DGKD: variants seen among roughly 807,000 people sequenced by gnomAD.
DGKD encodes DAG kinase delta.
DGKD carries 68 observed loss-of-function variants against 154.4 expected under a neutral mutation model. The observed-to-expected ratio is 0.44, with a 90% CI of 0.36 to 0.54. The LOEUF (loss-of-function observed/expected upper bound fraction) is 0.54. DGKD is among the 20% of genes least tolerant of loss of function. The pLI is 0.00. For synonymous variants in DGKD, 693 were observed against 638.0 expected (o/e 1.09, Z -1.30); for missense variants, 1,343 against 1,593.6 (o/e 0.84, Z 2.68).
chr2:233,428,118 G>A (rs1009908152), intron 3 of DGKD, among the ~76,000 whole-genome samples: 1 of 152,190 alleles, frequency 6.6e-6, no homozygotes, highest in African/African-American at 2.4e-5. Context: ...GGGAACAGGA[G>A]TAGGAGGGGA....
chr2:233,427,337 C>CAT (rs1491379221), intron 3 of DGKD, among the ~76,000 whole-genome samples: 4 of 83,766 alleles, frequency 4.8e-5, no homozygotes, highest in Admixed American at 1.4e-4. Flanking sequence ...TATTGCCCTG[C>CAT]TTTTTTTTTT....
chr2:233,376,249 A>G (rs1344347381), intron 1 of DGKD, among the ~76,000 whole-genome samples: 1 of 152,244 alleles, frequency 6.6e-6, no homozygotes, highest in African/African-American at 2.4e-5. Flanking sequence ...GAACTTGTAC[A>G]GACAAAAATA....
chr2:233,462,502 C>G (rs919697829), intron 25 of DGKD, 43 bp downstream of exon 25: 1 of 1,566,334 alleles, frequency 6.4e-7, no homozygotes, highest in Non-Finnish European at 8.7e-7. Context: ...TTCTCAGTGT[C>G]TGCCGCCCTC....
intron 3 of DGKD, among the ~76,000 whole-genome samples, chr2:233,421,980 A>G (rs1045328717): frequency 6.6e-6 from 1 of 151,428 alleles, no homozygotes; most frequent in Non-Finnish European, 1.5e-5. Context: ...CTGACTTGGG[A>G]GGTTGGGGGG....
At chr2:233,424,600 G>A (rs539072330) in intron 3 of DGKD, among the ~76,000 whole-genome samples, 2 of 152,294 alleles carry the variant, frequency 1.3e-5, no homozygotes, top group Non-Finnish European at 2.9e-5. Context: ...CCCTGCCTCC[G>A]GCCCACTGGC....
intron 1 of DGKD, among the ~76,000 whole-genome samples, chr2:233,384,058 G>A (rs1703037935): frequency 6.6e-6 from 1 of 152,126 alleles, no homozygotes; most frequent in African/African-American, 2.4e-5. Context: ...ATAACAGTAT[G>A]TACAGTATGG....
rs1480812455 is a variant in DGKD, at chr2:233,458,391, C to T, written c.2688C>T (p.Ile896=). The change falls in exon 22 of 30, where the codon ATC becomes ATT. Residue 896 remains isoleucine, a synonymous_variant. Coordinates refer to ENST00000264057, the MANE Select transcript of DGKD (RefSeq NM_152879.3). The surrounding 1 kb of genome is among the most constrained non-coding windows in gnomAD (Gnocchi z 6.6). ...TCATCAGGCTACAGCATCATCGGAT[C>T]GCCCAGGTAGTGGCCATGGTCCTGG... The part of the protein sequence containing the change: ...SRVIRLQHHR[I]AQCRTVKISI... The T allele has an allele frequency of 1.3e-5, 21 of 1,607,844 alleles. No individual in the cohort carries two copies. The highest frequency in any genetic ancestry group is 2.2e-5 in the East Asian group (1 of 44,842).
Position 233,458,137 on chromosome 2 carries a change from C to A in DGKD, c.2581-147C>A. 1 of 538,538 alleles carries A rather than the reference C, an allele frequency of 1.9e-6. No individual in the cohort carries two copies. Among genetic ancestry groups the A allele is most frequent in the Non-Finnish European group, 3.4e-6 (1 of 297,020 alleles). The allele number at this position is 538,538 out of a possible 1,614,324, so 33.4% of individuals were successfully genotyped here. A position where few individuals can be genotyped will look rare whatever the true frequency, so the allele number is the denominator to read the frequency against. ...CCCAGGCAGCTGGTTTCAGGGCCTG[C>A]AACATGAAGCCCGTCAGGAGTGCAG... On this transcript the variant is annotated intron_variant, in intron 21 of 29. Transcript: ENST00000264057. The surrounding 1 kb of genome is among the most constrained non-coding windows in gnomAD (Gnocchi z 6.6).
Position 233,468,643 on chromosome 2 carries a change from C to T in DGKD, c.3555+90C>T, listed in dbSNP as rs73997603. ...TCCTCTCCCCCGACCTGGCCATGTC[C>T]CAGCATCACGATTCTTCTCAGGCTT... On this transcript the variant is annotated intron_variant, in intron 29 of 29. Coordinates refer to ENST00000264057, the MANE Select transcript of DGKD (RefSeq NM_152879.3). The T allele has an allele frequency of 0.016, 24,382 of 1,564,516 alleles. 1,304 individuals are homozygous for T. In the African/African-American group the frequency reaches 0.18, roughly 11 times the overall value.
intron 24 of DGKD, 94 bp downstream of exon 24, chr2:233,460,439 C>T: frequency 2.8e-5 from 42 of 1,493,888 alleles, no homozygotes; most frequent in Non-Finnish European, 3.7e-5. Flanking sequence ...AGCTGCTGCT[C>T]CTGACTTTTG....
chr2:233,404,956 G>T (rs1046857591), intron 3 of DGKD, among the ~76,000 whole-genome samples: 3 of 152,166 alleles, frequency 2.0e-5, no homozygotes, highest in African/African-American at 7.2e-5. Flanking sequence ...AGCTTGGAAA[G>T]AAGACAGAAG....
chr2:233,398,758 G>A (rs1331211169), intron 3 of DGKD, among the ~76,000 whole-genome samples: 1 of 152,122 alleles, frequency 6.6e-6, no homozygotes, highest in Non-Finnish European at 1.5e-5. Context: ...CCGAGTAGCT[G>A]GGATTACAGG....
At chr2:233,380,963 C>G (rs1702870779) in intron 1 of DGKD, among the ~76,000 whole-genome samples, 1 of 152,022 alleles carries the variant, frequency 6.6e-6, no homozygotes. Context: ...CATTGAAAAC[C>G]AGGGTAGTGG....
At chr2:233,403,903 G>A (rs1234231349) in intron 3 of DGKD, among the ~76,000 whole-genome samples, 1 of 152,094 alleles carries the variant, frequency 6.6e-6, no homozygotes, top group African/African-American at 2.4e-5. Flanking sequence ...GATTCCCAAA[G>A]TGCTGGGATT....
At position 233,441,853 on chromosome 2, in the gene DGKD, A is replaced by C; in HGVS notation, c.1086-34A>C. 814 of 1,420,270 alleles carry C rather than the reference A, an allele frequency of 5.7e-4. No homozygotes were observed. Among genetic ancestry groups the C allele is most frequent in the Non-Finnish European group, 7.3e-4 (737 of 1,007,110 alleles). 88.0% of individuals were successfully genotyped at this position (1,420,270 alleles called of 1,614,324 possible). ...GCCTGTCATTTGTCCTGTGGAATGGATGTCATTTCACGGCCTTTCTCTTTT... is the reference window on the plus strand; with the variant it reads ...GCCTGTCATTTGTCCTGTGGAATGGCTGTCATTTCACGGCCTTTCTCTTTT... On this transcript the variant is annotated intron_variant, in intron 9 of 29. Transcript: ENST00000264057. The surrounding 1 kb of genome is among the most constrained non-coding windows in gnomAD (Gnocchi z 5.6).
intron 1 of DGKD, among the ~76,000 whole-genome samples, chr2:233,377,581 A>G (rs746430797): frequency 1.3e-5 from 2 of 152,204 alleles, no homozygotes; most frequent in Non-Finnish European, 2.9e-5. Context: ...GTTCTGCTAT[A>G]ATAGTTTGTA....
chr2:233,434,747 C>T (rs772575218), intron 4 of DGKD, 22 bp from the exon 5 acceptor site: 2 of 1,596,970 alleles, frequency 1.3e-6, no homozygotes, highest in South Asian at 2.2e-5. Flanking sequence ...TTATCTTTGC[C>T]CTCTTGGTTT....
rs1184869061 is a variant in DGKD at position 233,438,751 on chromosome 2, CT to C, written c.1085+373del. 0.018 allele frequency among the ~76,000 whole-genome samples: 1,732 copies of C among 96,536 alleles called. 20 individuals are homozygous for C. The highest frequency in any genetic ancestry group is 0.026 in the Non-Finnish European group (1,245 of 48,676). 63.3% of individuals were successfully genotyped at this position (96,536 alleles called of 152,430 possible). A position where few individuals can be genotyped will look rare whatever the true frequency, so the allele number is the denominator to read the frequency against. On this transcript the variant is annotated intron_variant, in intron 9 of 29. Transcript: ENST00000264057. This position sits in a 1 kb window ranked among gnomAD's most constrained non-coding sequence, Gnocchi z 4.1. ...TATAATTTTTTATTTATCTGTCTAT[CT>C]ATCATCTATCTATCTATCTATCTAT...
At chr2:233,377,049 C>T (rs1427164838) in intron 1 of DGKD, among the ~76,000 whole-genome samples, 2 of 146,226 alleles carry the variant, frequency 1.4e-5, no homozygotes, top group Non-Finnish European at 3.0e-5. Context: ...CTCCTTTTTA[C>T]AAAAAGATAT....
Sources: gnomAD v4.1 joint callset for allele counts (sites outside exome capture counted in the v4.1 genomes callset) on GRCh38, gnomAD v4.1.1 for gene constraint, Gnocchi (gnomAD v3.1) non-coding constraint, MANE v1.5 for transcripts, NCBI Gene and HGNC (gene_info 2026-07-23, HGNC 2026-07-21) for gene names.